CYP46A1: variants seen among roughly 807,000 people sequenced by gnomAD.
CYP46A1 encodes the protein cytochrome P450 family 46 subfamily A member 1.
In CYP46A1, 20 loss-of-function variants were observed where a neutral mutation model predicts 63.3. That is an observed-to-expected ratio of 0.32 (90% CI 0.22 to 0.46). The LOEUF (loss-of-function observed/expected upper bound fraction) is 0.46, where lower values mean the gene tolerates loss of function less well. CYP46A1 is among the 20% of genes least tolerant of loss of function. CYP46A1 has a pLI of 1.00. For synonymous variants in CYP46A1, 268 were observed against 273.6 expected (o/e 0.98, Z 0.20); for missense variants, 445 against 670.8 (o/e 0.66, Z 3.72).
chr14:99,699,942 G>A, intron 4 of CYP46A1, 73 bp from the exon 5 acceptor site: 1 of 1,057,022 alleles, frequency 9.5e-7, no homozygotes, highest in South Asian at 1.4e-5. Flanking sequence ...CCCAAAATAT[G>A]ACCCCAAGCC....
At chr14:99,687,128 C>G (rs2056501273) in intron 1 of CYP46A1, among the ~76,000 whole-genome samples, 1 of 152,138 alleles carries the variant, frequency 6.6e-6, no homozygotes, top group Non-Finnish European at 1.5e-5. Flanking sequence ...CCCTCAGTGC[C>G]CCTCCTCTGT....
At chr14:99,702,157 C>T (rs2056637383) in intron 5 of CYP46A1, among the ~76,000 whole-genome samples, 2 of 151,136 alleles carry the variant, frequency 1.3e-5, no homozygotes, top group Non-Finnish European at 2.9e-5. Flanking sequence ...CCTTCTTTGT[C>T]TATGGATTTT....
chr14:99,720,014 G>T (rs1326738111), intron 10 of CYP46A1, among the ~76,000 whole-genome samples: 1 of 151,066 alleles, frequency 6.6e-6, no homozygotes, highest in Non-Finnish European at 1.5e-5. Context: ...CACCCGCCTC[G>T]GCCTCCCAAA....
intron 2 of CYP46A1, 90 bp from the exon 3 acceptor site, chr14:99,691,690 C>A (rs745948162): frequency 4.8e-6 from 6 of 1,237,398 alleles, no homozygotes; most frequent in Non-Finnish European, 7.1e-6. Flanking sequence ...CCTTCTGGGA[C>A]GGGAAACATC....
intron 5 of CYP46A1, among the ~76,000 whole-genome samples, chr14:99,704,907 G>A (rs1244225499): frequency 1.3e-5 from 2 of 152,318 alleles, no homozygotes; most frequent in African/African-American, 4.8e-5. Flanking sequence ...TGCTCCAGGA[G>A]AGGGGATGTG....
Position 99,687,827 on chromosome 14 carries a change from G to A in CYP46A1, c.120-3254G>A, listed in dbSNP as rs530788667. On this transcript the variant is annotated intron_variant, in intron 1 of 14. Transcript: ENST00000261835. ...CTCTGCTGTGTCCAGTCTATCACCAGGGACATGCCAAGTGGGCTTCTGCCT... is the reference window on the plus strand; with the variant it reads ...CTCTGCTGTGTCCAGTCTATCACCAAGGACATGCCAAGTGGGCTTCTGCCT... 8.5e-5 allele frequency among the ~76,000 whole-genome samples: 13 copies of A among 152,282 alleles called. No homozygotes were observed. The South Asian group carries it at 2.5e-3, about 29-fold the overall frequency.
rs1009677347 is a variant in CYP46A1 at position 99,725,134 on chromosome 14, T to C, written c.1177-257T>C. 6.6e-6 allele frequency among the ~76,000 whole-genome samples: 1 copy of C among 152,060 alleles called. No individual in the cohort carries two copies. The highest frequency in any genetic ancestry group is 2.4e-5 in the African/African-American group (1 of 41,386). On this transcript the variant is annotated intron_variant, in intron 12 of 14. Transcript: ENST00000261835. The surrounding 1 kb of genome is among the most constrained non-coding windows in gnomAD (Gnocchi z 4.2). ...TCTGTAAAATGGGGACAATGACGGC[T>C]CCCCTACAGGGCTGAGCCCAGCACA... is the stretch of plus-strand genomic sequence containing the variant.
Position 99,726,389 on chromosome 14 carries a change from C to A in CYP46A1, c.1332+133C>A. The A allele has an allele frequency of 4.2e-6, 5 of 1,181,496 alleles. No homozygotes were observed. The Admixed American group carries it at 1.1e-4, about 27-fold the overall frequency. 73.2% of individuals were successfully genotyped at this position (1,181,496 alleles called of 1,614,324 possible). Reference sequence around the variant, plus strand: ...GGGCTCGGGACCCAGCGGAGCCAGACCCAGAGGACTGGCTGTGTTTTGCAC... The same window carrying A: ...GGGCTCGGGACCCAGCGGAGCCAGAACCAGAGGACTGGCTGTGTTTTGCAC... On this transcript the variant is annotated intron_variant, in intron 14 of 14. Transcript: ENST00000261835.
intron 1 of CYP46A1, chr14:99,684,810 G>A (rs948529414): frequency 2.7e-5 from 15 of 548,188 alleles, no homozygotes; most frequent in Non-Finnish European, 4.9e-5. Context: ...CCATCGTTCA[G>A]ACGAGGAGAC....
In CYP46A1 at chr14:99,684,508, G is replaced by C; in HGVS notation, c.91G>C (p.Glu31Gln). Residue 31 changes from glutamate (E) to glutamine (Q), a missense_variant, in exon 1 of 15, where the codon GAG becomes CAG. By Grantham distance (29) the Glu-to-Gln change is conservative (BLOSUM62 2). Around this residue, in one of 4 missense-constraint regions of CYP46A1, gnomAD observed 252 missense variants for 383.3 expected, o/e 0.66. Coordinates refer to ENST00000261835, the MANE Select transcript of CYP46A1 (RefSeq NM_006668.2). ...CGTGCACCGCGCTCGCAGCCGCTAC[G>C]AGCACATCCCCGGGCCGCCGCGGCC... The part of the protein sequence containing the change: ...TFVHRARSRY[E>Q]HIPGPPRPSF... 1 of 1,478,924 alleles carries C rather than the reference G, an allele frequency of 6.8e-7. No individual in the cohort carries two copies. The highest frequency in any genetic ancestry group is 8.9e-7 in the Non-Finnish European group (1 of 1,120,334). 91.6% of individuals were successfully genotyped at this position (1,478,924 alleles called of 1,614,324 possible). A position where few individuals can be genotyped will look rare whatever the true frequency, so the allele number is the denominator to read the frequency against.
chr14:99,698,459 C>T (rs759792919), intron 3 of CYP46A1, among the ~76,000 whole-genome samples: 26 of 152,212 alleles, frequency 1.7e-4, no homozygotes, highest in Non-Finnish European at 3.2e-4. Flanking sequence ...CACCCGCAGC[C>T]AGGTGTGGTG....
At position 99,726,648 on chromosome 14, in the gene CYP46A1, C is replaced by T. The variant is rs1286391259; in HGVS notation, c.1424C>T (p.Thr475Ile). 2 of 1,556,970 alleles carry T rather than the reference C, an allele frequency of 1.3e-6. No homozygotes were observed. Among genetic ancestry groups the T allele is most frequent in the Non-Finnish European group, 1.7e-6 (2 of 1,152,496 alleles). The change falls in exon 15 of 15, where the codon ACA becomes ATA. Residue 475 changes from threonine (T) to isoleucine (I), a missense_variant. This residue lies in a region of CYP46A1 where 85 missense variants were observed against 80.1 expected (regional missense o/e 1.06). Transcript: ENST00000261835. ...CGCTTCGGGCTGCAGGAGCAGGCCA[C>T]ACTCAAGCCACTGGACCCCGTGCTG... ...GQRFGLQEQA[T>I]LKPLDPVLCT...
chr14:99,722,280 C>T lies in CYP46A1; in HGVS notation c.1176+214C>T, dbSNP rs1275545991. Reference sequence around the variant, plus strand: ...CAGCAGAAGATTACAGGGGGTCATTCTGGAAGGGAGGTGCCCCATTTACAG... The same window carrying T: ...CAGCAGAAGATTACAGGGGGTCATTTTGGAAGGGAGGTGCCCCATTTACAG... On this transcript the variant is annotated intron_variant, in intron 12 of 14. Coordinates refer to ENST00000261835, the MANE Select transcript of CYP46A1 (RefSeq NM_006668.2). The surrounding 1 kb of genome is among the most constrained non-coding windows in gnomAD (Gnocchi z 4.6). 6.6e-6 allele frequency among the ~76,000 whole-genome samples: 1 copy of T among 152,064 alleles called. No homozygotes were observed.
intron 7 of CYP46A1, chr14:99,709,611 A>C (rs2056711393): frequency 6.6e-6 from 1 of 152,204 alleles, no homozygotes; most frequent in African/African-American, 2.4e-5. Context: ...AGGCATATGA[A>C]ACCTATTTAA....
intron 5 of CYP46A1, among the ~76,000 whole-genome samples, chr14:99,700,913 A>C (rs1004259585): frequency 2.6e-5 from 4 of 152,178 alleles, no homozygotes; most frequent in African/African-American, 9.7e-5. Flanking sequence ...CCAGTGAGGA[A>C]AGATGCGGAG....
At chr14:99,708,995 C>A (rs2056705616) in intron 7 of CYP46A1, 1 of 152,198 alleles carries the variant, frequency 6.6e-6, no homozygotes. Flanking sequence ...AACTATGTTA[C>A]TGTGCCAATC....
At chr14:99,694,034 T>A (rs1209163583) in intron 3 of CYP46A1, among the ~76,000 whole-genome samples, 2 of 152,178 alleles carry the variant, frequency 1.3e-5, no homozygotes, top group African/African-American at 4.8e-5. Flanking sequence ...TCTGTCTCCG[T>A]GAATTGGACT....
chr14:99,699,346 A>G, intron 3 of CYP46A1, 120 bp from the exon 4 acceptor site: 2 of 891,794 alleles, frequency 2.2e-6, no homozygotes, highest in South Asian at 2.8e-5. Flanking sequence ...CATGCATGGG[A>G]AGTGGGCACA....
chr14:99,726,474 C>T (rs369731431), intron 14 of CYP46A1, 83 bp from the exon 15 acceptor site: 76 of 1,361,700 alleles, frequency 5.6e-5, no homozygotes, highest in African/African-American at 7.4e-5. Flanking sequence ...GGAGGAGAGC[C>T]GGCTGTGACA....
Sources: gnomAD v4.1 joint callset for allele counts (sites outside exome capture counted in the v4.1 genomes callset) on GRCh38, gnomAD v4.1.1 for gene constraint, gnomAD v4.1.1 regional missense constraint, Gnocchi (gnomAD v3.1) non-coding constraint, MANE v1.5 for transcripts, NCBI Gene and HGNC (gene_info 2026-07-23, HGNC 2026-07-21) for gene names.